SPART: variants seen among roughly 807,000 people sequenced by gnomAD.
The protein encoded by SPART is spastic paraplegia 20 (Troyer syndrome).
Under a neutral mutation model 58.7 loss-of-function variants are expected in SPART, and 35 were observed. The observed-to-expected ratio is 0.60, with a 90% CI of 0.46 to 0.79. SPART has a LOEUF of 0.79. Among genes scored for constraint, SPART ranks in the 30% least tolerant of loss-of-function variants. The pLI is 0.00. For synonymous variants in SPART, 284 were observed against 280.7 expected (o/e 1.01, Z -0.12); for missense variants, 730 against 786.1 (o/e 0.93, Z 0.85).
chr13:36,318,301 A>C (rs550575299), intron 5 of SPART, among the ~76,000 whole-genome samples: 2 of 152,156 alleles, frequency 1.3e-5, no homozygotes, highest in African/African-American at 4.8e-5. Flanking sequence ...CTAAAGCCAT[A>C]GTCAAGGTTA....
chr13:36,335,166 A>ATCAATTCAT lies in SPART; in HGVS notation c.656_664dup (p.Leu221_Ile222insAsnGluLeu). On this transcript the variant is annotated inframe_insertion, in exon 2 of 9. Coordinates refer to ENST00000438666, the MANE Select transcript of SPART (RefSeq NM_015087.5). ...AATCTGTACTCCATTTGGTATCAAA[A>ATCAATTCAT]TCAATTCATCTGCATCCAGCCCTAA... is the stretch of plus-strand genomic sequence containing the variant. 1 of 1,614,172 alleles carries ATCAATTCAT rather than the reference A, an allele frequency of 6.2e-7. No individual in the cohort carries two copies. Among genetic ancestry groups the ATCAATTCAT allele is most frequent in the Non-Finnish European group, 8.5e-7 (1 of 1,180,026 alleles).
At chr13:36,346,764 A>T (rs1337770969), upstream of SPART, 1 of 152,300 alleles carries the variant, frequency 6.6e-6, no homozygotes, top group Non-Finnish European at 1.5e-5. Flanking sequence ...GCGCCTGCGC[A>T]ATCTCTTTCT....
chr13:36,350,923 T>C (rs1388776641), upstream of SPART, among the ~76,000 whole-genome samples: 2 of 152,242 alleles, frequency 1.3e-5, no homozygotes, highest in East Asian at 1.9e-4. Context: ...TCTTATCTTA[T>C]ATCCCTGTAA....
chr13:36,324,737 G>T (rs866197625), intron 5 of SPART, among the ~76,000 whole-genome samples: 10 of 152,208 alleles, frequency 6.6e-5, no homozygotes, highest in African/African-American at 2.4e-4. Flanking sequence ...CAACAAGGCT[G>T]TTTATTTCAC....
At chr13:36,312,954 G>A (rs2137321454) in intron 6 of SPART, among the ~76,000 whole-genome samples, 1 of 151,672 alleles carries the variant, frequency 6.6e-6, no homozygotes, top group Middle Eastern at 3.4e-3. Flanking sequence ...AAATATCTCA[G>A]TTATCTCGGT....
chr13:36,337,172 T>C (rs1311279825), intron 1 of SPART, among the ~76,000 whole-genome samples: 1 of 152,224 alleles, frequency 6.6e-6, no homozygotes, highest in African/African-American at 2.4e-5. Flanking sequence ...TAATATTAAA[T>C]GGAAAATTAC....
In SPART at chr13:36,316,897, C is replaced by T. The variant is rs148558221; in HGVS notation, c.1289-2476G>A. 8.8e-3 allele frequency among the ~76,000 whole-genome samples: 1,333 copies of T among 152,316 alleles called. 12 individuals are homozygous for T. Among genetic ancestry groups the T allele is most frequent in the Middle Eastern group, 0.02 (6 of 294 alleles). On this transcript the variant is annotated intron_variant, in intron 5 of 8. Transcript: ENST00000438666. ...TAAGACCGACCAGCCCAAGAAACATCTCACCAATTTCAAATCCGGTAAGCG... is the reference window on the plus strand; with the variant it reads ...TAAGACCGACCAGCCCAAGAAACATTTCACCAATTTCAAATCCGGTAAGCG...
chr13:36,334,830 ATC>A (rs1281099952), intron 2 of SPART, among the ~76,000 whole-genome samples, 189 bp downstream of exon 2: 7 of 152,294 alleles, frequency 4.6e-5, no homozygotes, highest in Middle Eastern at 6.8e-3. Context: ...CTATTAATAT[ATC>A]TTTTTTAAAA....
rs142482393 is a variant in SPART at position 36,314,296 on chromosome 13, C to T, written c.1414G>A (p.Ala472Thr). Residue 472 changes from alanine to threonine, a missense_variant, in exon 6 of 9, where the codon GCT becomes ACT. Ala to Thr is a moderately conservative substitution (Grantham distance 58, BLOSUM62 0). Transcript: ENST00000438666. ...PEEKPVEVSP[A>T]VTKGLYIAKQ... ...GCTATATAAAGTCCCTTGGTGACAG[C>T]TGGACTAACTTCCACGGGTTTTTCT... 2 of 1,614,136 alleles carry T rather than the reference C, an allele frequency of 1.2e-6. No homozygotes were observed. Among genetic ancestry groups the T allele is most frequent in the East Asian group, 2.2e-5 (1 of 44,868 alleles).
chr13:36,365,647 C>T (rs924837893), intron 1 of SPART: 6 of 464,428 alleles, frequency 1.3e-5, no homozygotes, highest in African/African-American at 6.0e-5. Flanking sequence ...AGTTTTTTGA[C>T]TTTGTAAGGG....
chr13:36,343,776 A>T (rs897663191), intron 1 of SPART, among the ~76,000 whole-genome samples: 1 of 152,240 alleles, frequency 6.6e-6, no homozygotes, highest in African/African-American at 2.4e-5. Flanking sequence ...TTGGAGGTTG[A>T]TATCTGATTT....
chr13:36,368,891 C>T (rs1414389308), intron 1 of SPART, among the ~76,000 whole-genome samples: 2 of 152,042 alleles, frequency 1.3e-5, no homozygotes, highest in South Asian at 2.1e-4. Context: ...CCCAGCTACT[C>T]GGGAGGCTGA....
chr13:36,312,651 T>A (rs972967355), intron 6 of SPART, 174 bp from the exon 7 acceptor site: 1 of 725,430 alleles, frequency 1.4e-6, no homozygotes, highest in Non-Finnish European at 2.2e-6. Context: ...TTGCCCAGGC[T>A]GGCCTTGACT....
intron 1 of SPART, among the ~76,000 whole-genome samples, chr13:36,354,215 T>G (rs1885531360): frequency 6.6e-6 from 1 of 152,054 alleles, no homozygotes. Flanking sequence ...TAAAGGAGGT[T>G]TTTTTCTACA....
chr13:36,336,089 T>A (rs1029228610), intron 1 of SPART, among the ~76,000 whole-genome samples: 5 of 152,232 alleles, frequency 3.3e-5, no homozygotes, highest in African/African-American at 1.2e-4. Flanking sequence ...TAAATCAGAA[T>A]ACATCTATTA....
chr13:36,315,297 G>C (rs1169517962), intron 5 of SPART, among the ~76,000 whole-genome samples: 1 of 152,192 alleles, frequency 6.6e-6, no homozygotes, highest in African/African-American at 2.4e-5. Flanking sequence ...TGTAAGAACA[G>C]TGTCCCCTAA....
chr13:36,333,647 A>C lies in SPART; in HGVS notation c.810+1374T>G, dbSNP rs148364825. Among the ~76,000 whole-genome samples, 648 of 152,302 alleles carry C rather than the reference A, an allele frequency of 4.3e-3. 2 individuals are homozygous for C. The highest frequency in any genetic ancestry group is 5.4e-3 in the Non-Finnish European group (368 of 68,024). ...ATGCACTAAGGACAAATTTGTATTA[A>C]AGTACAAGTCATTTCAATGGATGAG... On this transcript the variant is annotated intron_variant, in intron 2 of 8. Coordinates refer to ENST00000438666, the MANE Select transcript of SPART (RefSeq NM_015087.5).
At position 36,311,981 on chromosome 13, in the gene SPART, G is replaced by A. The variant is rs536285127; in HGVS notation, c.1733+164C>T. 3.3e-3 allele frequency among the ~76,000 whole-genome samples: 495 copies of A among 152,196 alleles called. 1 individual carries two copies. Among genetic ancestry groups the A allele is most frequent in the African/African-American group, 0.011 (458 of 41,508 alleles). ...GTGTGCCTGCAATCCCAGCTACTCG[G>A]GAGGCTGAGGCAGGAGAAATGCCTG... On this transcript the variant is annotated intron_variant, in intron 8 of 8. Coordinates refer to ENST00000438666, the MANE Select transcript of SPART (RefSeq NM_015087.5).
chr13:36,306,538 C>T (rs569220756), intron 8 of SPART, among the ~76,000 whole-genome samples: 1 of 152,272 alleles, frequency 6.6e-6, no homozygotes, highest in African/African-American at 2.4e-5. Flanking sequence ...TCCATATTCA[C>T]AAACTTCCAC....
Sources: allele counts gnomAD v4.1 joint callset (sites outside exome capture counted in the v4.1 genomes callset), GRCh38; gene constraint gnomAD v4.1.1; transcripts MANE v1.5; gene names NCBI Gene and HGNC (gene_info 2026-07-23, HGNC 2026-07-21).